Variants in EAPP observed in about 807,000 individuals in gnomAD.
EAPP encodes E2F associated phosphoprotein.
A neutral mutation model predicts 34.3 loss-of-function variants in EAPP; 38 were observed. That is an observed-to-expected ratio of 1.11 (90% CI 0.85 to 1.45). The LOEUF (loss-of-function observed/expected upper bound fraction) is 1.45, where lower values mean the gene tolerates loss of function less well. EAPP is among the 40% of genes most tolerant of loss of function. The pLI is 0.00. For missense variants in EAPP, 338 were observed against 343.7 expected, an observed-to-expected ratio of 0.98 and a Z score of 0.13; for synonymous variants, 113 against 117.6, an observed-to-expected ratio of 0.96 and a Z score of 0.25.
At chr14:34,539,440 G>A in intron 1 of EAPP, 115 bp downstream of exon 1, 2 of 1,179,504 alleles carry the variant, frequency 1.7e-6, no homozygotes, top group Non-Finnish European at 2.5e-6. Flanking sequence ...TAACAGGCAC[G>A]ACAGGCTCCC....
At chr14:34,529,671 G>A (rs1231633545) in intron 3 of EAPP, among the ~76,000 whole-genome samples, 196 bp from the exon 4 acceptor site, 1 of 152,132 alleles carries the variant, frequency 6.6e-6, no homozygotes, top group Non-Finnish European at 1.5e-5. Flanking sequence ...CCTGACGTCA[G>A]GAGATCGAGA....
intron 3 of EAPP, among the ~76,000 whole-genome samples, chr14:34,530,923 A>G (rs1230214091): frequency 1.8e-4 from 27 of 148,710 alleles, no homozygotes; most frequent in East Asian, 5.8e-4. Context: ...AAAAAAAAAA[A>G]AAAGAAAGAA....
At chr14:34,519,537 A>ACACC (rs1879844795) in intron 5 of EAPP, among the ~76,000 whole-genome samples, 1 of 151,930 alleles carries the variant, frequency 6.6e-6, no homozygotes, top group Non-Finnish European at 1.5e-5. Context: ...CCCTCTCAAA[A>ACACC]AAAAAAAAAA....
intron 5 of EAPP, among the ~76,000 whole-genome samples, chr14:34,517,146 G>A (rs1376297607): frequency 6.6e-6 from 1 of 151,608 alleles, no homozygotes; most frequent in Non-Finnish European, 1.5e-5. Flanking sequence ...CATTGTGTTA[G>A]CCAGGATGGT....
chr14:34,532,383 C>T (rs761635730), intron 3 of EAPP, among the ~76,000 whole-genome samples: 7 of 151,748 alleles, frequency 4.6e-5, no homozygotes, highest in South Asian at 2.1e-4. Context: ...TGCTTGAACC[C>T]GGGAGGCACA....
At chr14:34,519,788 C>G (rs1430808079) in intron 5 of EAPP, among the ~76,000 whole-genome samples, 1 of 150,202 alleles carries the variant, frequency 6.7e-6, no homozygotes, top group Non-Finnish European at 1.5e-5. Context: ...TAATCCATTG[C>G]TTTTTGATTT....
chr14:34,529,464 T>C lies in EAPP; in HGVS notation c.364A>G (p.Lys122Glu). ...EDEDRAVQVT[K>E]KKKKKQHKIP... Reference sequence around the variant, plus strand: ...TTGTGTTGTTTCTTCTTTTTTTTCTTGGTCACCTGTACTAATTTTGAAAAT... The same window carrying C: ...TTGTGTTGTTTCTTCTTTTTTTTCTCGGTCACCTGTACTAATTTTGAAAAT... Residue 122 changes from lysine (K) to glutamate (E), a missense_variant, in exon 4 of 6, where the codon AAG becomes GAG. Coordinates refer to ENST00000250454, the MANE Select transcript of EAPP (RefSeq NM_018453.4). The C allele has an allele frequency of 6.2e-7, 1 of 1,608,726 alleles. No homozygotes were observed. Among genetic ancestry groups the C allele is most frequent in the Non-Finnish European group, 8.5e-7 (1 of 1,177,204 alleles).
At chr14:34,526,998 C>G (rs1954568770) in intron 4 of EAPP, among the ~76,000 whole-genome samples, 1 of 151,874 alleles carries the variant, frequency 6.6e-6, no homozygotes, top group Non-Finnish European at 1.5e-5. Flanking sequence ...TGGAGAAACC[C>G]CATCTCTACT....
chr14:34,526,242 A>G (rs1031208667), intron 4 of EAPP, among the ~76,000 whole-genome samples: 1 of 151,664 alleles, frequency 6.6e-6, no homozygotes, highest in Non-Finnish European at 1.5e-5. Flanking sequence ...CAGCCTGGCT[A>G]ACATGGTGAA....
At chr14:34,530,351 A>G (rs1267324201) in intron 3 of EAPP, among the ~76,000 whole-genome samples, 2 of 152,038 alleles carry the variant, frequency 1.3e-5, no homozygotes, top group African/African-American at 4.8e-5. Flanking sequence ...TGGCCAGCAT[A>G]ATGAGACCCC....
chr14:34,534,368 A>AGG (rs1426605567), intron 2 of EAPP, among the ~76,000 whole-genome samples: 5 of 152,060 alleles, frequency 3.3e-5, no homozygotes, highest in Non-Finnish European at 7.4e-5. Flanking sequence ...TCCTGACCTC[A>AGG]TGATCCACCC....
rs576144025 is a variant in EAPP at position 34,529,009 on chromosome 14, G to A, written c.470+349C>T. On this transcript the variant is annotated intron_variant, in intron 4 of 5. Transcript: ENST00000250454. The stretch of plus-strand genomic sequence containing the variant: ...AAATTAGCTGTGTGTGGTGGCAGGC[G>A]CCTGTAATCCCAACTACTCGGGAAG... Among the ~76,000 whole-genome samples, 175 of 151,974 alleles carry A rather than the reference G, an allele frequency of 1.2e-3. 1 individual carries two copies. Among genetic ancestry groups the A allele is most frequent in the African/African-American group, 4.0e-3 (166 of 41,498 alleles).
chr14:34,521,601 T>A (rs1344215535), intron 5 of EAPP, among the ~76,000 whole-genome samples: 1 of 151,892 alleles, frequency 6.6e-6, no homozygotes, highest in Non-Finnish European at 1.5e-5. Flanking sequence ...AATTTTTTAG[T>A]TCAGCAAATA....
In EAPP at chr14:34,532,407, C is replaced by G. The variant is rs61981529; in HGVS notation, c.352+1037G>C. The stretch of plus-strand genomic sequence containing the variant: ...CCGGGAGGCACAGGTTGCAGTGAAC[C>G]AAGATGGTGGTGCCATCGCACTCCA... On this transcript the variant is annotated intron_variant, in intron 3 of 5. Coordinates refer to ENST00000250454, the MANE Select transcript of EAPP (RefSeq NM_018453.4). Among the ~76,000 whole-genome samples the G allele has an allele frequency of 2.6e-5, 4 of 151,026 alleles. No individual in the cohort carries two copies. The South Asian group carries it at 8.3e-4, about 31-fold the overall frequency.
At chr14:34,539,446 C>T in intron 1 of EAPP, 109 bp downstream of exon 1, 1 of 1,230,918 alleles carries the variant, frequency 8.1e-7, no homozygotes, top group Non-Finnish European at 1.2e-6. Flanking sequence ...GCACGACAGG[C>T]TCCCGAGCCG....
chr14:34,528,414 C>CTTTTTTTTTTTT (rs1880164379), intron 4 of EAPP, among the ~76,000 whole-genome samples: 2 of 54,152 alleles, frequency 3.7e-5, no homozygotes, highest in African/African-American at 9.2e-5. Flanking sequence ...TCCACAAAAC[C>CTTTTTTTTTTTT]CTTTTTTTTT....
At chr14:34,538,307 A>T (rs1025688115) in intron 1 of EAPP, among the ~76,000 whole-genome samples, 4 of 152,198 alleles carry the variant, frequency 2.6e-5, no homozygotes, top group African/African-American at 9.6e-5. Context: ...GGAACCCAGG[A>T]GGTGGAGGCT....
At chr14:34,533,233 C>G (rs1299290741) in intron 3 of EAPP, among the ~76,000 whole-genome samples, 1 of 152,000 alleles carries the variant, frequency 6.6e-6, no homozygotes, top group Non-Finnish European at 1.5e-5. Context: ...TGGGGTTTCA[C>G]CAAGTTGGTC....
At chr14:34,525,846 C>T (rs1464361850) in intron 4 of EAPP, among the ~76,000 whole-genome samples, 1 of 151,398 alleles carries the variant, frequency 6.6e-6, no homozygotes, top group Non-Finnish European at 1.5e-5. Context: ...GGTGAAACCC[C>T]ATCTCTACTA....
Sources: allele counts gnomAD v4.1 joint callset (sites outside exome capture counted in the v4.1 genomes callset), GRCh38; gene constraint gnomAD v4.1.1; transcripts MANE v1.5; gene names NCBI Gene and HGNC (gene_info 2026-07-23, HGNC 2026-07-21).